The following PCDHGA5 variants were observed in gnomAD, a reference collection of about 807,000 sequenced individuals.
PCDHGA5 encodes the protein protocadherin gamma-A5.
Under a neutral mutation model 56.7 loss-of-function variants are expected in PCDHGA5, and 36 were observed. The ratio of observed to expected loss-of-function variants is 0.64; its 90% CI spans 0.49 to 0.84. The LOEUF is 0.84. Among genes scored for constraint, PCDHGA5 ranks in the 40% least tolerant of loss-of-function variants. PCDHGA5 has a pLI of 0.00. For synonymous variants in PCDHGA5, 563 were observed against 520.2 expected, an observed-to-expected ratio of 1.08 and a Z score of -1.12; for missense variants, 1,305 against 1,201.5, an observed-to-expected ratio of 1.09 and a Z score of -1.27.
At chr5:141,430,853 C>G (rs769009864) in intron 1 of PCDHGA5, 2 of 1,587,214 alleles carry the variant, frequency 1.3e-6, no homozygotes, top group Non-Finnish European at 1.7e-6. Flanking sequence ...CACCCAGATA[C>G]GCTATTCAGT....
At chr5:141,447,370 C>A (rs2098536615) in intron 1 of PCDHGA5, among the ~76,000 whole-genome samples, 1 of 151,612 alleles carries the variant, frequency 6.6e-6, no homozygotes, top group African/African-American at 2.4e-5. Context: ...AACTCCTGAC[C>A]CTGGTGATCT....
In PCDHGA5 at chr5:141,490,000, A is replaced by G. The variant is rs762999106; in HGVS notation, c.2422-4807A>G. The G allele has an allele frequency of 6.2e-7, 1 of 1,614,198 alleles. No individual in the cohort carries two copies. Among genetic ancestry groups the G allele is most frequent in the Admixed American group, 1.7e-5 (1 of 60,032 alleles). ...AGTTCTACGTGTGGGAATCCCAGAG[A>G]ATGCACCCATTGGTACTCTGCTGCT... On this transcript the variant is annotated intron_variant, in intron 1 of 3. Coordinates refer to ENST00000518069, the MANE Select transcript of PCDHGA5 (RefSeq NM_018918.3). The surrounding 1 kb of genome is among the most constrained non-coding windows in gnomAD (Gnocchi z 4.5).
At chr5:141,378,926 T>C (rs1342547905) in intron 1 of PCDHGA5, 1 of 152,216 alleles carries the variant, frequency 6.6e-6, no homozygotes, top group Non-Finnish European at 1.5e-5. Flanking sequence ...AAAAGTAAGT[T>C]GATGGCCCTG....
At chr5:141,443,547 T>C (rs1210940890) in intron 1 of PCDHGA5, among the ~76,000 whole-genome samples, 2 of 152,192 alleles carry the variant, frequency 1.3e-5, no homozygotes, top group Non-Finnish European at 2.9e-5. Context: ...TGGGAAATTG[T>C]TCCAATTCAA....
chr5:141,376,552 C>G lies in PCDHGA5; in HGVS notation c.2421+9801C>G, dbSNP rs372170088. On this transcript the variant is annotated intron_variant, in intron 1 of 3. Transcript: ENST00000518069. ...AGCGGGAAGAGTAATCTGATCTTCC[C>G]GCAACCCAACTAATCAGACAGGCTC... 3 of 1,611,220 alleles carry G rather than the reference C, an allele frequency of 1.9e-6. No individual in the cohort carries two copies. The African/African-American group carries it at 4.0e-5, about 22-fold the overall frequency.
chr5:141,394,761 G>A, intron 1 of PCDHGA5: 1 of 1,613,428 alleles, frequency 6.2e-7, no homozygotes, highest in South Asian at 1.1e-5. Context: ...CCAGGACCAT[G>A]GCCAGCCCCC....
In PCDHGA5 at chr5:141,486,581, C is replaced by T; in HGVS notation, c.2422-8226C>T. 1 of 1,613,764 alleles carries T rather than the reference C, an allele frequency of 6.2e-7. No individual in the cohort carries two copies. The highest frequency in any genetic ancestry group is 1.1e-5 in the South Asian group (1 of 91,082). On this transcript the variant is annotated intron_variant, in intron 1 of 3. Coordinates refer to ENST00000518069, the MANE Select transcript of PCDHGA5 (RefSeq NM_018918.3). This position sits in a 1 kb window ranked among gnomAD's most constrained non-coding sequence, Gnocchi z 5.0. ...GGTGTTTGTTCCTGAGAACAATCGC[C>T]CAGGGGACCTGCTTTGCTCCCTTGC... is the stretch of plus-strand genomic sequence containing the variant.
intron 1 of PCDHGA5, chr5:141,399,034 C>T: frequency 6.2e-7 from 1 of 1,613,796 alleles, no homozygotes; most frequent in Non-Finnish European, 8.5e-7. Context: ...TCAAAAGAAA[C>T]TGGATTTTGA....
chr5:141,385,107 C>T, intron 1 of PCDHGA5: 1 of 1,614,178 alleles, frequency 6.2e-7, no homozygotes, highest in Non-Finnish European at 8.5e-7. Context: ...CGAACGTGCC[C>T]ACCTCGCACT....
At position 141,486,837 on chromosome 5, in the gene PCDHGA5, T is replaced by G; in HGVS notation, c.2422-7970T>G. The G allele has an allele frequency of 6.2e-7, 1 of 1,614,256 alleles. No individual in the cohort carries two copies. The highest frequency in any genetic ancestry group is 8.5e-7 in the Non-Finnish European group (1 of 1,180,044). ...AGCACTGTAACAGTTCGTCTATTTG[T>G]GCTGGACCTCAATGACAATGCTCCA... On this transcript the variant is annotated intron_variant, in intron 1 of 3. Transcript: ENST00000518069. The surrounding 1 kb of genome is among the most constrained non-coding windows in gnomAD (Gnocchi z 5.0).
chr5:141,365,390 A>T lies in PCDHGA5; in HGVS notation c.1060A>T (p.Ser354Cys), dbSNP rs1763883184. 6.2e-7 allele frequency: 1 copy of T among 1,613,850 alleles called. No homozygotes were observed. The highest frequency in any genetic ancestry group is 1.3e-5 in the African/African-American group (1 of 74,924). Residue 354 changes from serine to cysteine, a missense_variant, in exon 1 of 4, where the codon AGT becomes TGT. By Grantham distance (112) the Ser-to-Cys change is moderately radical (BLOSUM62 -1). Transcript: ENST00000518069. ...CGAAGTGATCCTCACCTCTCTGACC[A>T]GTTCGATCTCTGAAGACTGTCTTCC... Reference protein sequence around the residue: ...APEVILTSLTSSISEDCLPGT... With the variant: ...APEVILTSLTCSISEDCLPGT...
In PCDHGA5 at chr5:141,432,976, C is replaced by A. The variant is rs373558125; in HGVS notation, c.2422-61831C>A. The stretch of plus-strand genomic sequence containing the variant: ...GCTTGACAGGAGCGCCGGCGTCGCA[C>A]TTTGTGGGCGTGGACGGGGTGCAGG... On this transcript the variant is annotated intron_variant, in intron 1 of 3. Coordinates refer to ENST00000518069, the MANE Select transcript of PCDHGA5 (RefSeq NM_018918.3). This position sits in a 1 kb window ranked among gnomAD's most constrained non-coding sequence, Gnocchi z 6.0. 1 of 1,614,210 alleles carries A rather than the reference C, an allele frequency of 6.2e-7. No individual in the cohort carries two copies.
intron 1 of PCDHGA5, chr5:141,372,298 GGGA>G: frequency 6.2e-7 from 1 of 1,613,330 alleles, no homozygotes; most frequent in Non-Finnish European, 8.5e-7. Flanking sequence ...TTGGGCGACA[GGGA>G]GGCCGCCCGC....
rs1308015959 is a variant in PCDHGA5, at chr5:141,482,105, AT to A, written c.2422-12701del. Among the ~76,000 whole-genome samples, 417 of 143,332 alleles carry A rather than the reference AT, an allele frequency of 2.9e-3. 1 individual carries two copies. The highest frequency in any genetic ancestry group is 0.011 in the African/African-American group (394 of 37,394). 94.0% of individuals were successfully genotyped at this position (143,332 alleles called of 152,430 possible). Reference sequence around the variant, plus strand: ...ACTCCATCTCAAAAAAAAAAAAAAAATATCTAGAGATGGGAGAATCATATGG... The same window carrying A: ...ACTCCATCTCAAAAAAAAAAAAAAAAATCTAGAGATGGGAGAATCATATGG... On this transcript the variant is annotated intron_variant, in intron 1 of 3. Coordinates refer to ENST00000518069, the MANE Select transcript of PCDHGA5 (RefSeq NM_018918.3).
At chr5:141,507,450 CAGAG>C (rs940460926) in intron 3 of PCDHGA5, among the ~76,000 whole-genome samples, 1 of 152,170 alleles carries the variant, frequency 6.6e-6, no homozygotes, top group African/African-American at 2.4e-5. Flanking sequence ...GACGGAAGGA[CAGAG>C]AGAGAGGTGG....
rs555568322 is a variant in PCDHGA5 at position 141,366,458 on chromosome 5, G to C, written c.2128G>C (p.Val710Leu). The C allele has an allele frequency of 1.2e-5, 20 of 1,614,092 alleles. No individual in the cohort carries two copies. In the East Asian group the frequency reaches 2.9e-4, roughly 23 times the overall value. ...CTGCGTCTTCCTGGCCTTCGTCATC[G>C]TGCTGCTGGTGCTCAGACTGAGGCG... ...VSCVFLAFVI[V>L]LLVLRLRRWH... is the part of the protein sequence containing the mutation. The change falls in exon 1 of 4, where the codon GTG becomes CTG. Residue 710 changes from valine to leucine, a missense_variant. Val to Leu is a conservative substitution (Grantham distance 32). Coordinates refer to ENST00000518069, the MANE Select transcript of PCDHGA5 (RefSeq NM_018918.3).
intron 1 of PCDHGA5, among the ~76,000 whole-genome samples, chr5:141,380,921 T>G (rs1014548780): frequency 6.6e-6 from 1 of 152,238 alleles, no homozygotes; most frequent in African/African-American, 2.4e-5. Flanking sequence ...CATTGTTTAA[T>G]AATCATACAC....
At chr5:141,488,834 G>A (rs976460724) in intron 1 of PCDHGA5, among the ~76,000 whole-genome samples, 1 of 152,160 alleles carries the variant, frequency 6.6e-6, no homozygotes, top group Admixed American at 6.5e-5. Context: ...GCTGCCAAGG[G>A]GGCTGAATCA....
chr5:141,407,317 T>G (rs1268885358), intron 1 of PCDHGA5, among the ~76,000 whole-genome samples: 1 of 152,198 alleles, frequency 6.6e-6, no homozygotes, highest in Non-Finnish European at 1.5e-5. Flanking sequence ...TCATACTTAG[T>G]ATTTATAAAT....
Sources: gnomAD v4.1 joint callset for allele counts (sites outside exome capture counted in the v4.1 genomes callset) on GRCh38, gnomAD v4.1.1 for gene constraint, Gnocchi (gnomAD v3.1) non-coding constraint, MANE v1.5 for transcripts, NCBI Gene and HGNC (gene_info 2026-07-23, HGNC 2026-07-21) for gene names.